NEDD4L: variants seen among roughly 807,000 people sequenced by gnomAD.
The protein encoded by NEDD4L is NEDD4 like E3 ubiquitin protein ligase.
In NEDD4L, 54 loss-of-function variants were observed where a neutral mutation model predicts 148.9. The ratio of observed to expected loss-of-function variants is 0.36; its 90% CI spans 0.29 to 0.45. The LOEUF (loss-of-function observed/expected upper bound fraction) is 0.45, where lower values mean the gene tolerates loss of function less well. Ranked by LOEUF, NEDD4L falls within the 20% of genes least tolerant of loss-of-function variation. The pLI is 1.00. For synonymous variants in NEDD4L, 433 were observed against 440.7 expected (o/e 0.98, Z 0.22); for missense variants, 856 against 1,233.8 (o/e 0.69, Z 4.59).
At chr18:58,163,476 C>G (rs898483444) in intron 1 of NEDD4L, among the ~76,000 whole-genome samples, 1 of 152,232 alleles carries the variant, frequency 6.6e-6, no homozygotes, top group Admixed American at 6.5e-5. Context: ...ACCCCTGATG[C>G]TTCTGTAAGC....
chr18:58,239,179 A>C (rs994188667), intron 2 of NEDD4L, among the ~76,000 whole-genome samples: 1 of 152,204 alleles, frequency 6.6e-6, no homozygotes, highest in Non-Finnish European at 1.5e-5. Flanking sequence ...AGTGCTGTGA[A>C]ATATGCTGCA....
chr18:58,176,042 T>C (rs1478089560), intron 2 of NEDD4L, among the ~76,000 whole-genome samples: 5 of 152,218 alleles, frequency 3.3e-5, no homozygotes, highest in Admixed American at 6.5e-5. Context: ...TGATCCGGAA[T>C]CACTGAGCAA....
At chr18:58,221,225 TCTA>T (rs1371476528) in intron 2 of NEDD4L, among the ~76,000 whole-genome samples, 1 of 152,176 alleles carries the variant, frequency 6.6e-6, no homozygotes, top group African/African-American at 2.4e-5. Context: ...AGGGCTGACC[TCTA>T]CTGTTGGAAA....
intron 16 of NEDD4L, among the ~76,000 whole-genome samples, chr18:58,345,039 C>T (rs1334576553): frequency 6.6e-6 from 1 of 152,242 alleles, no homozygotes; most frequent in African/African-American, 2.4e-5. Flanking sequence ...TTATTTATTG[C>T]TTGCAACATT....
chr18:58,276,241 C>T (rs1285561144), intron 5 of NEDD4L, among the ~76,000 whole-genome samples: 8 of 125,384 alleles, frequency 6.4e-5, no homozygotes, highest in Non-Finnish European at 9.7e-5. Context: ...TTTTCTGAGA[C>T]GGAGTCTCAC....
chr18:58,307,838 A>T (rs2057246004), intron 5 of NEDD4L, among the ~76,000 whole-genome samples: 2 of 151,998 alleles, frequency 1.3e-5, no homozygotes, highest in Non-Finnish European at 2.9e-5. Flanking sequence ...GGTTACCAAG[A>T]GTGTCTGTCA....
intron 1 of NEDD4L, among the ~76,000 whole-genome samples, chr18:58,148,055 T>G (rs2034289983): frequency 6.6e-6 from 1 of 152,144 alleles, no homozygotes; most frequent in African/African-American, 2.4e-5. Context: ...CCCCTTTTTT[T>G]TTTGGTCACT....
At chr18:58,289,688 C>T (rs1004134261) in intron 5 of NEDD4L, among the ~76,000 whole-genome samples, 3 of 152,194 alleles carry the variant, frequency 2.0e-5, no homozygotes, top group Admixed American at 2.0e-4. Flanking sequence ...GAAGCCTCCA[C>T]TTGACACCGC....
chr18:58,234,099 T>TTC (rs2045645098), intron 2 of NEDD4L, among the ~76,000 whole-genome samples: 1 of 80,364 alleles, frequency 1.2e-5, no homozygotes, highest in African/African-American at 6.8e-5. Flanking sequence ...CTTTCTTTCT[T>TTC]TCTTTTCTTT....
intron 1 of NEDD4L, among the ~76,000 whole-genome samples, chr18:58,070,474 T>C (rs1188607950): frequency 6.6e-6 from 1 of 152,026 alleles, no homozygotes; most frequent in Non-Finnish European, 1.5e-5. Flanking sequence ...TCTCCCTATG[T>C]TACCCAGGCT....
At chr18:58,078,665 A>G (rs1356017918) in intron 1 of NEDD4L, among the ~76,000 whole-genome samples, 1 of 152,208 alleles carries the variant, frequency 6.6e-6, no homozygotes, top group African/African-American at 2.4e-5. Context: ...GGAAAACAAT[A>G]TGTACAATGG....
chr18:58,097,466 C>T (rs1366207579), intron 1 of NEDD4L, among the ~76,000 whole-genome samples: 1 of 152,232 alleles, frequency 6.6e-6, no homozygotes, highest in Non-Finnish European at 1.5e-5. Context: ...GAGTGAAGGA[C>T]ATCAGAAACA....
chr18:58,158,474 C>T lies in NEDD4L; in HGVS notation c.49-7314C>T, dbSNP rs143679764. 3.6e-3 allele frequency among the ~76,000 whole-genome samples: 543 copies of T among 152,348 alleles called. 1 individual carries two copies. The highest frequency in any genetic ancestry group is 0.012 in the African/African-American group (490 of 41,576). On this transcript the variant is annotated intron_variant, in intron 1 of 30. Transcript: ENST00000400345. Reference sequence around the variant, plus strand: ...TTTTTGAAGGTAGAGTCACCTTGAGCATTTAAATTAGGGTTCTGCTCTAGA... The same window carrying T: ...TTTTTGAAGGTAGAGTCACCTTGAGTATTTAAATTAGGGTTCTGCTCTAGA...
At chr18:58,128,150 G>A (rs1160243102) in intron 1 of NEDD4L, among the ~76,000 whole-genome samples, 2 of 152,222 alleles carry the variant, frequency 1.3e-5, no homozygotes, top group Admixed American at 1.3e-4. Flanking sequence ...GGGTTCTAGT[G>A]ATTCTCCTGC....
At chr18:58,072,862 G>GCA (rs1008699907) in intron 1 of NEDD4L, among the ~76,000 whole-genome samples, 2 of 105,982 alleles carry the variant, frequency 1.9e-5, no homozygotes, top group Non-Finnish European at 1.7e-5. Flanking sequence ...CCTAAGGCGC[G>GCA]CGCGCGCGCG....
At chr18:58,121,655 T>C (rs905736519) in intron 1 of NEDD4L, among the ~76,000 whole-genome samples, 1 of 152,226 alleles carries the variant, frequency 6.6e-6, no homozygotes, top group African/African-American at 2.4e-5. Context: ...GTCATCATCC[T>C]GTGTTGGCTT....
intron 6 of NEDD4L, 136 bp from the exon 7 acceptor site, chr18:58,322,289 G>C (rs1287980039): frequency 5.8e-6 from 4 of 692,178 alleles, no homozygotes; most frequent in Non-Finnish European, 1.0e-5. Context: ...GGACTGTCAG[G>C]TACCAAGTGA....
chr18:58,103,766 T>G (rs886682902), intron 1 of NEDD4L, among the ~76,000 whole-genome samples: 7 of 152,224 alleles, frequency 4.6e-5, no homozygotes, highest in African/African-American at 1.7e-4. Flanking sequence ...AATAGCTGAC[T>G]GTGGGAATAT....
At chr18:58,231,233 A>G (rs1251628956) in intron 2 of NEDD4L, among the ~76,000 whole-genome samples, 4 of 107,912 alleles carry the variant, frequency 3.7e-5, no homozygotes, top group African/African-American at 1.4e-4. Flanking sequence ...GCGAGACCCT[A>G]TCTCAAAAAA....
Sources: gnomAD v4.1 joint callset for allele counts (sites outside exome capture counted in the v4.1 genomes callset) on GRCh38, gnomAD v4.1.1 for gene constraint, MANE v1.5 for transcripts, NCBI Gene and HGNC (gene_info 2026-07-23, HGNC 2026-07-21) for gene names.